Variants in LRRC1 observed in about 807,000 individuals in gnomAD.
LRRC1 encodes the protein leucine-rich repeat-containing protein 1.
Under a neutral mutation model 69.9 loss-of-function variants are expected in LRRC1, and 28 were observed. The observed-to-expected ratio is 0.40, with a 90% CI of 0.30 to 0.55. The LOEUF is 0.55. LRRC1 is among the 20% of genes least tolerant of loss of function. The pLI is 0.47. For missense variants in LRRC1, 498 were observed against 609.0 expected (o/e 0.82, Z 1.92); for synonymous variants, 236 against 240.2 (o/e 0.98, Z 0.16).
intron 8 of LRRC1, among the ~76,000 whole-genome samples, chr6:53,901,382 A>G (rs547127092): frequency 4.6e-5 from 7 of 152,194 alleles, no homozygotes. Flanking sequence ...TCTACCAAAA[A>G]TAAAATTATT....
chr6:53,854,154 C>T (rs768872049), intron 2 of LRRC1, among the ~76,000 whole-genome samples: 45 of 152,166 alleles, frequency 3.0e-4, no homozygotes, highest in Non-Finnish European at 5.7e-4. Flanking sequence ...GTGTACTACA[C>T]GAGGCTCTGC....
At chr6:53,882,219 G>A (rs956693531) in intron 3 of LRRC1, among the ~76,000 whole-genome samples, 19 of 152,122 alleles carry the variant, frequency 1.2e-4, no homozygotes, top group African/African-American at 4.1e-4. Context: ...GTGGTGGCGC[G>A]TGCCTGTAAT....
intron 11 of LRRC1, among the ~76,000 whole-genome samples, chr6:53,915,219 G>C (rs1768525962): frequency 6.6e-6 from 1 of 152,130 alleles, no homozygotes; most frequent in East Asian, 1.9e-4. Flanking sequence ...TGATTAGCTG[G>C]TCATTTTGGT....
At chr6:53,797,735 C>T (rs779308041) in intron 1 of LRRC1, among the ~76,000 whole-genome samples, 14 of 152,232 alleles carry the variant, frequency 9.2e-5, no homozygotes, top group Non-Finnish European at 1.9e-4. Flanking sequence ...AGTGTAATAA[C>T]AGCCACCTTC....
At chr6:53,895,410 T>TA (rs1767837854) in intron 4 of LRRC1, among the ~76,000 whole-genome samples, 1 of 152,222 alleles carries the variant, frequency 6.6e-6, no homozygotes, top group Non-Finnish European at 1.5e-5. Context: ...TTCTGGATGT[T>TA]ATAAAACCAG....
chr6:53,800,124 T>C (rs1471914924), intron 1 of LRRC1, among the ~76,000 whole-genome samples: 1 of 152,196 alleles, frequency 6.6e-6, no homozygotes, highest in Non-Finnish European at 1.5e-5. Flanking sequence ...TATAGGGTTA[T>C]AGAGTTATTA....
rs1040000106 is a variant in LRRC1 at position 53,902,041 on chromosome 6, G to T, written c.788-588G>T. Reference sequence around the variant, plus strand: ...GAGAATCTGAATGACTTTACTAGTGGCTAGTGGGGACTCTGAGGAGGCTGC... The same window carrying T: ...GAGAATCTGAATGACTTTACTAGTGTCTAGTGGGGACTCTGAGGAGGCTGC... On this transcript the variant is annotated intron_variant, in intron 8 of 13. Coordinates refer to ENST00000370888, the MANE Select transcript of LRRC1 (RefSeq NM_018214.5). Among the ~76,000 whole-genome samples the T allele has an allele frequency of 1.3e-5, 2 of 152,168 alleles. 1 individual carries two copies. The highest frequency in any genetic ancestry group is 2.9e-5 in the Non-Finnish European group (2 of 68,026).
intron 10 of LRRC1, among the ~76,000 whole-genome samples, chr6:53,913,647 C>G (rs1196118212): frequency 5.3e-5 from 8 of 152,112 alleles, no homozygotes; most frequent in Admixed American, 5.2e-4. Context: ...ACATGTACAT[C>G]TAACATTTTG....
chr6:53,825,602 G>A (rs1292792826), intron 1 of LRRC1, among the ~76,000 whole-genome samples: 1 of 152,142 alleles, frequency 6.6e-6, no homozygotes, highest in Non-Finnish European at 1.5e-5. Flanking sequence ...GTGCCTCCCG[G>A]ACTTGGCTGT....
intron 3 of LRRC1, among the ~76,000 whole-genome samples, chr6:53,882,550 C>A (rs1476390100): frequency 6.6e-6 from 1 of 152,138 alleles, no homozygotes; most frequent in East Asian, 1.9e-4. Flanking sequence ...TTAGCTGCAG[C>A]AATAATTCAT....
chr6:53,850,141 C>G (rs1017417075), intron 2 of LRRC1, among the ~76,000 whole-genome samples: 7 of 150,284 alleles, frequency 4.7e-5, no homozygotes, highest in African/African-American at 1.7e-4. Flanking sequence ...TGTTCTATCC[C>G]TTAAGGAAAT....
intron 1 of LRRC1, among the ~76,000 whole-genome samples, chr6:53,816,680 G>C (rs1473540555): frequency 6.6e-6 from 1 of 151,652 alleles, no homozygotes; most frequent in Non-Finnish European, 1.5e-5. Flanking sequence ...ATATTTTCTA[G>C]GATACTTTGT....
chr6:53,846,053 T>G (rs1765934084), intron 2 of LRRC1, among the ~76,000 whole-genome samples: 1 of 152,180 alleles, frequency 6.6e-6, no homozygotes, highest in Non-Finnish European at 1.5e-5. Flanking sequence ...AAACTAGACC[T>G]TTCTGGATGT....
chr6:53,920,754 A>G lies in LRRC1; in HGVS notation c.1409A>G (p.Asn470Ser), dbSNP rs374759146. The change falls in exon 13 of 14, where the codon AAT becomes AGT. Residue 470 changes from asparagine to serine, a missense_variant. Physicochemically the swap from Asn to Ser is conservative, Grantham distance 46. This residue lies in a region of LRRC1 where 162 missense variants were observed against 162.9 expected (regional missense o/e 0.99). Transcript: ENST00000370888. ...FVEDEKDEEDNETRTLLRRAT... is the reference protein window; with the variant it reads ...FVEDEKDEEDSETRTLLRRAT... ...GAGGATGAGAAAGATGAAGAAGACA[A>G]TGAGACGGTATGGAAATGCAGATTC... The G allele has an allele frequency of 4.5e-4, 719 of 1,614,198 alleles. 10 individuals carry two copies. The South Asian group carries it at 7.5e-3, about 17-fold the overall frequency.
chr6:53,836,958 A>T (rs1386908829), intron 1 of LRRC1, among the ~76,000 whole-genome samples: 1 of 152,208 alleles, frequency 6.6e-6, no homozygotes, highest in African/African-American at 2.4e-5. Context: ...TTTATTCAAC[A>T]TATAAATGAA....
chr6:53,854,135 T>G (rs892402888), intron 2 of LRRC1, among the ~76,000 whole-genome samples: 2 of 152,242 alleles, frequency 1.3e-5, no homozygotes, highest in Non-Finnish European at 2.9e-5. Context: ...AAGTTTTGTC[T>G]CACTGGTAGT....
chr6:53,835,128 G>A (rs559435653), intron 1 of LRRC1, among the ~76,000 whole-genome samples: 191 of 152,132 alleles, frequency 1.3e-3, no homozygotes, highest in African/African-American at 4.4e-3. Context: ...ACCCAAGTGC[G>A]CAATTCTCTG....
intron 9 of LRRC1, among the ~76,000 whole-genome samples, chr6:53,903,781 T>A (rs1457682321): frequency 6.6e-6 from 1 of 152,194 alleles, no homozygotes; most frequent in African/African-American, 2.4e-5. Context: ...TGCTTTGTGA[T>A]TTTAGGCTTA....
At chr6:53,889,706 T>C (rs1327774825) in intron 4 of LRRC1, among the ~76,000 whole-genome samples, 1 of 152,194 alleles carries the variant, frequency 6.6e-6, no homozygotes. Context: ...CTAGATTAGA[T>C]AGTGGTGATG....
Sources: allele counts gnomAD v4.1 joint callset (sites outside exome capture counted in the v4.1 genomes callset), GRCh38; gene constraint gnomAD v4.1.1; regional missense constraint gnomAD v4.1.1; transcripts MANE v1.5; gene names NCBI Gene and HGNC (gene_info 2026-07-23, HGNC 2026-07-21).